The following ABCA10 variants were observed in gnomAD, a reference collection of about 807,000 sequenced individuals.
ABCA10 encodes ATP-binding cassette sub-family A member 10.
ABCA10 carries 169 observed loss-of-function variants against 187.5 expected under a neutral mutation model. That is an observed-to-expected ratio of 0.90 (90% CI 0.80 to 1.02). ABCA10 has a LOEUF of 1.02. Among genes scored for constraint, ABCA10 ranks in the 50% least tolerant of loss-of-function variants. ABCA10 has a pLI of 0.00. For synonymous variants in ABCA10, 574 were observed against 601.8 expected, an observed-to-expected ratio of 0.95 and a Z score of 0.68; for missense variants, 1,727 against 1,812.4, an observed-to-expected ratio of 0.95 and a Z score of 0.86.
intron 34 of ABCA10, 99 bp downstream of exon 34, chr17:69,153,202 AGGTT>A: frequency 7.2e-7 from 1 of 1,385,038 alleles, no homozygotes. Flanking sequence ...TGCACATCAA[AGGTT>A]AATGGAGCAA....
chr17:69,169,696 T>C (rs927413070), intron 25 of ABCA10, among the ~76,000 whole-genome samples: 4 of 152,136 alleles, frequency 2.6e-5, no homozygotes, highest in African/African-American at 9.7e-5. Context: ...TCTTGATTGA[T>C]AACAAAGGTA....
At chr17:69,155,217 T>C in intron 29 of ABCA10, 81 bp from the exon 30 acceptor site, 3 of 1,100,162 alleles carry the variant, frequency 2.7e-6, no homozygotes, top group African/African-American at 3.2e-5. Context: ...CATTCCCTAG[T>C]CTATAAACCC....
At chr17:69,166,367 T>A (rs965389340) in intron 25 of ABCA10, among the ~76,000 whole-genome samples, 23 of 151,270 alleles carry the variant, frequency 1.5e-4, no homozygotes, top group Admixed American at 1.3e-3. Flanking sequence ...AATTGCTTGA[T>A]ATGTACCATA....
intron 9 of ABCA10, 112 bp from the exon 10 acceptor site, chr17:69,201,780 AT>A: frequency 1.1e-6 from 1 of 926,798 alleles, no homozygotes. Flanking sequence ...TATCTTGGGC[AT>A]TTATATTTAT....
rs1028461176 is a variant in ABCA10 at position 69,196,797 on chromosome 17, G to T, written c.1234+267C>A. Among the ~76,000 whole-genome samples the T allele has an allele frequency of 3.3e-5, 5 of 152,186 alleles. No individual in the cohort carries two copies. In the East Asian group the frequency reaches 7.7e-4, roughly 23 times the overall value. On this transcript the variant is annotated intron_variant, in intron 11 of 38. Coordinates refer to ENST00000690296, the MANE Select transcript of ABCA10 (RefSeq NM_001377321.1). ...AGGCTGAGGCTAGCAGATCACTCGC[G>T]GTTAGGAGCTGGAGACCAGCCCGGC...
chr17:69,162,846 T>TAC (rs1568051566), intron 27 of ABCA10, among the ~76,000 whole-genome samples: 18 of 149,986 alleles, frequency 1.2e-4, no homozygotes, highest in African/African-American at 3.7e-4. Flanking sequence ...TACATATATA[T>TAC]ATATATATAT....
At chr17:69,243,022 A>G (rs1035232455) in intron 1 of ABCA10, among the ~76,000 whole-genome samples, 3 of 152,156 alleles carry the variant, frequency 2.0e-5, no homozygotes, top group Non-Finnish European at 4.4e-5. Context: ...TGCTTATATC[A>G]TTATTTAGTT....
At chr17:69,216,951 G>A (rs2074710647) in intron 6 of ABCA10, among the ~76,000 whole-genome samples, 1 of 151,960 alleles carries the variant, frequency 6.6e-6, no homozygotes, top group Admixed American at 6.6e-5. Flanking sequence ...AAAATAAAAG[G>A]AAAGGTATTA....
intron 3 of ABCA10, chr17:69,223,712 A>G: frequency 2.3e-6 from 1 of 427,632 alleles, no homozygotes; most frequent in South Asian, 1.7e-5. Flanking sequence ...GATTTTCTCT[A>G]GGGGTATAAA....
At chr17:69,223,147 C>T (rs1279517200) in intron 3 of ABCA10, among the ~76,000 whole-genome samples, 1 of 151,928 alleles carries the variant, frequency 6.6e-6, no homozygotes, top group Non-Finnish European at 1.5e-5. Flanking sequence ...TACTATTCAA[C>T]TTTTTTTAAA....
intron 9 of ABCA10, among the ~76,000 whole-genome samples, chr17:69,212,652 T>C (rs1188514625): frequency 6.6e-6 from 1 of 152,222 alleles, no homozygotes; most frequent in Non-Finnish European, 1.5e-5. Flanking sequence ...CAGTATTAGG[T>C]GCACACAGAT....
At chr17:69,186,329 C>T (rs1029153371) in intron 19 of ABCA10, among the ~76,000 whole-genome samples, 1 of 152,008 alleles carries the variant, frequency 6.6e-6, no homozygotes, top group Non-Finnish European at 1.5e-5. Context: ...ATCTTATCGC[C>T]GCCAAAAGAA....
intron 28 of ABCA10, 40 bp downstream of exon 28, chr17:69,156,792 A>G: frequency 8.4e-7 from 1 of 1,195,338 alleles, no homozygotes; most frequent in Non-Finnish European, 1.1e-6. Flanking sequence ...AAGACTAAAT[A>G]TTTAGATTAT....
intron 38 of ABCA10, 31 bp downstream of exon 38, chr17:69,149,002 G>A: frequency 6.2e-7 from 1 of 1,613,626 alleles, no homozygotes; most frequent in East Asian, 2.2e-5. Context: ...AGGTCATCTG[G>A]ATGGTGCTCA....
At chr17:69,181,500 G>C (rs972644439) in intron 22 of ABCA10, among the ~76,000 whole-genome samples, 1 of 151,700 alleles carries the variant, frequency 6.6e-6, no homozygotes, top group Non-Finnish European at 1.5e-5. Flanking sequence ...AAACTAGAGG[G>C]GTGAGGCCAG....
At chr17:69,154,117 A>G (rs2074153723) in intron 31 of ABCA10, 108 bp from the exon 32 acceptor site, 1 of 1,469,300 alleles carries the variant, frequency 6.8e-7, no homozygotes, top group African/African-American at 1.4e-5. Context: ...TTGAATACGC[A>G]AGAGAAATTT....
At chr17:69,169,210 G>C (rs974554610) in intron 25 of ABCA10, among the ~76,000 whole-genome samples, 1 of 152,112 alleles carries the variant, frequency 6.6e-6, no homozygotes, top group African/African-American at 2.4e-5. Flanking sequence ...TAGCTACTAA[G>C]TGCCAGACCA....
chr17:69,224,314 G>A (rs1391268874), intron 3 of ABCA10, among the ~76,000 whole-genome samples: 2 of 152,142 alleles, frequency 1.3e-5, no homozygotes, highest in East Asian at 3.8e-4. Context: ...GAGCTGAGAC[G>A]TTAACAGATT....
intron 9 of ABCA10, 23 bp from the exon 10 acceptor site, chr17:69,201,691 C>A: frequency 6.5e-7 from 1 of 1,546,642 alleles, no homozygotes; most frequent in Non-Finnish European, 8.8e-7. Context: ...GATACAATTA[C>A]ATATTGCATC....
Sources: gnomAD v4.1 joint callset for allele counts (sites outside exome capture counted in the v4.1 genomes callset) on GRCh38, gnomAD v4.1.1 for gene constraint, MANE v1.5 for transcripts, NCBI Gene and HGNC (gene_info 2026-07-23, HGNC 2026-07-21) for gene names.